Variants in MCU observed in about 807,000 individuals in gnomAD.
MCU encodes mitochondrial calcium uniporter, also known as calcium uniporter protein, mitochondrial.
In MCU, 12 loss-of-function variants were observed where a neutral mutation model predicts 45.2. That is an observed-to-expected ratio of 0.27 (90% CI 0.17 to 0.43). MCU has a LOEUF of 0.43. MCU is among the 20% of genes least tolerant of loss of function. The pLI is 1.00. For missense variants in MCU, 324 were observed against 436.7 expected, an observed-to-expected ratio of 0.74 and a Z score of 2.30; for synonymous variants, 160 against 165.1, an observed-to-expected ratio of 0.97 and a Z score of 0.24.
chr10:72,697,426 ATTTT>A (rs1001610262), intron 1 of MCU, among the ~76,000 whole-genome samples: 1 of 64,124 alleles, frequency 1.6e-5, no homozygotes. Context: ...CCAGACTTCT[ATTTT>A]TTTTTTTTTT....
intron 1 of MCU, among the ~76,000 whole-genome samples, chr10:72,821,478 A>T (rs1274644985): frequency 6.6e-6 from 1 of 152,166 alleles, no homozygotes; most frequent in Non-Finnish European, 1.5e-5. Context: ...ACCCATTCCT[A>T]TCTTTCTTTC....
chr10:72,719,937 G>T (rs778054818), intron 1 of MCU, among the ~76,000 whole-genome samples: 1 of 152,122 alleles, frequency 6.6e-6, no homozygotes, highest in Admixed American at 6.6e-5. Context: ...GAGTCTTGCC[G>T]TGTGGCACAG....
chr10:72,692,416 C>G, intron 1 of MCU, 115 bp downstream of exon 1: 1 of 876,002 alleles, frequency 1.1e-6, no homozygotes, highest in Non-Finnish European at 1.4e-6. Flanking sequence ...CCGGCCGCTC[C>G]GGAGGTTGCC....
At chr10:72,806,519 C>T (rs1185379151) in intron 1 of MCU, among the ~76,000 whole-genome samples, 2 of 152,114 alleles carry the variant, frequency 1.3e-5, no homozygotes, top group African/African-American at 4.8e-5. Flanking sequence ...TTCAAATATG[C>T]AGTGGTTATT....
At chr10:72,779,409 C>G (rs1016098764) in intron 1 of MCU, among the ~76,000 whole-genome samples, 2 of 152,106 alleles carry the variant, frequency 1.3e-5, no homozygotes, top group Non-Finnish European at 2.9e-5. Flanking sequence ...ACACTAGAGG[C>G]ACAAGTGACA....
chr10:72,874,420 T>C (rs1473913437), intron 6 of MCU, among the ~76,000 whole-genome samples: 1 of 152,184 alleles, frequency 6.6e-6, no homozygotes, highest in Non-Finnish European at 1.5e-5. Context: ...GAAAAGCTTT[T>C]TCTGTTTTCT....
chr10:72,742,141 C>T (rs1208918549), intron 1 of MCU, among the ~76,000 whole-genome samples: 1 of 151,492 alleles, frequency 6.6e-6, no homozygotes, highest in Non-Finnish European at 1.5e-5. Context: ...TTTAGATATG[C>T]CAATATTTAC....
chr10:72,739,891 G>T (rs184404289), intron 1 of MCU, among the ~76,000 whole-genome samples: 3 of 151,906 alleles, frequency 2.0e-5, no homozygotes, highest in Admixed American at 2.0e-4. Flanking sequence ...TTGCCAGCTG[G>T]TCTTGAACTC....
Position 72,710,069 on chromosome 10 carries a change from T to C in MCU, c.150+17768T>C, listed in dbSNP as rs377457613. Among the ~76,000 whole-genome samples, 472 of 152,216 alleles carry C rather than the reference T, an allele frequency of 3.1e-3. 2 individuals carry two copies. Among genetic ancestry groups the C allele is most frequent in the African/African-American group, 0.011 (439 of 41,546 alleles). ...CAGGTCACTGCAACCTCTGCCTCCC[T>C]GGTTCAAGCAATTCTCCTGCCTCAG... On this transcript the variant is annotated intron_variant, in intron 1 of 7. Coordinates refer to ENST00000373053, the MANE Select transcript of MCU (RefSeq NM_138357.3).
chr10:72,735,328 C>T (rs1322979895), intron 1 of MCU, among the ~76,000 whole-genome samples: 3 of 151,794 alleles, frequency 2.0e-5, no homozygotes, highest in African/African-American at 4.8e-5. Flanking sequence ...TTGATTAAAA[C>T]GTATTAAACA....
chr10:72,870,023 A>G (rs1414393525), intron 5 of MCU, among the ~76,000 whole-genome samples: 2 of 152,236 alleles, frequency 1.3e-5, no homozygotes, highest in Non-Finnish European at 2.9e-5. Context: ...CAGAAGGAAT[A>G]CATTCCAAAA....
At chr10:72,725,319 G>A (rs1332990808) in intron 1 of MCU, among the ~76,000 whole-genome samples, 1 of 151,948 alleles carries the variant, frequency 6.6e-6, no homozygotes, top group Non-Finnish European at 1.5e-5. Flanking sequence ...GTAGAGACGG[G>A]GTTTCACCGC....
intron 4 of MCU, 128 bp from the exon 5 acceptor site, chr10:72,868,575 A>C: frequency 1.4e-6 from 1 of 739,836 alleles, no homozygotes; most frequent in Non-Finnish European, 2.1e-6. Context: ...AAAGAGAGCT[A>C]TTACTTTCCT....
At chr10:72,871,347 A>C (rs1166770243) in intron 5 of MCU, 30 bp from the exon 6 acceptor site, 7 of 1,607,634 alleles carry the variant, frequency 4.4e-6, no homozygotes, top group Non-Finnish European at 6.0e-6. Flanking sequence ...TTTTATGTCA[A>C]AATGCCTTAT....
At chr10:72,820,201 G>A (rs905080472) in intron 1 of MCU, among the ~76,000 whole-genome samples, 17 of 152,042 alleles carry the variant, frequency 1.1e-4, no homozygotes, top group South Asian at 6.2e-4. Context: ...TGTCATTATC[G>A]TTTGCAAACA....
chr10:72,722,245 G>T (rs1843031662), intron 1 of MCU, among the ~76,000 whole-genome samples: 1 of 147,964 alleles, frequency 6.8e-6, no homozygotes, highest in South Asian at 2.1e-4. Context: ...GAACCCGGGA[G>T]GCAGAGATTG....
At chr10:72,796,156 G>A (rs1449830956) in intron 1 of MCU, among the ~76,000 whole-genome samples, 1 of 151,970 alleles carries the variant, frequency 6.6e-6, no homozygotes, top group South Asian at 2.1e-4. Flanking sequence ...CCTTTAAAAC[G>A]GTCCAATTGT....
chr10:72,869,310 C>T (rs188104060), intron 5 of MCU, among the ~76,000 whole-genome samples: 62 of 152,324 alleles, frequency 4.1e-4, no homozygotes, highest in Middle Eastern at 6.8e-3. Context: ...CAAGGCTGGG[C>T]GTGGTGGCTC....
chr10:72,739,964 C>T (rs1843303906), intron 1 of MCU, among the ~76,000 whole-genome samples: 1 of 151,910 alleles, frequency 6.6e-6, no homozygotes, highest in Non-Finnish European at 1.5e-5. Flanking sequence ...GTGTGAGCCA[C>T]CGTGCCCAGC....
Sources: gnomAD v4.1 joint callset for allele counts (sites outside exome capture counted in the v4.1 genomes callset) on GRCh38, gnomAD v4.1.1 for gene constraint, MANE v1.5 for transcripts, NCBI Gene and HGNC (gene_info 2026-07-23, HGNC 2026-07-21) for gene names.